RNASE4: variants seen among roughly 807,000 people sequenced by gnomAD.
RNASE4 encodes the protein ribonuclease A family member 4, also known as ribonuclease 4.
For synonymous variants in RNASE4, 93 were observed against 71.4 expected (o/e 1.30, Z -1.52); for missense variants, 194 against 192.8 (o/e 1.01, Z -0.04).
intron 1 of RNASE4, chr14:20,698,739 CATT>C (rs1171539230): frequency 6.6e-6 from 1 of 151,704 alleles, no homozygotes; most frequent in East Asian, 1.9e-4. Context: ...TTTTAAATCA[CATT>C]AGAATAATAG....
rs774686962 is a variant in RNASE4 at position 20,699,838 on chromosome 14, G to A, written c.*23G>A. 30 of 1,603,032 alleles carry A rather than the reference G, an allele frequency of 1.9e-5. No homozygotes were observed. The highest frequency in any genetic ancestry group is 1.7e-4 in the Middle Eastern group (1 of 6,048). On this transcript the variant is annotated 3_prime_UTR_variant, in exon 2 of 2. Coordinates refer to ENST00000555835, the MANE Select transcript of RNASE4 (RefSeq NM_002937.5). ...TAGATGCCACCATGTAGGGATTATC[G>A]CGAGTGGTTGACCTTACACTTACTC...
chr14:20,685,810 G>A (rs544442461), intron 1 of RNASE4, among the ~76,000 whole-genome samples: 2 of 152,168 alleles, frequency 1.3e-5, no homozygotes, highest in Non-Finnish European at 2.9e-5. Context: ...GGGAGGCCGA[G>A]GTGGGTGCAT....
chr14:20,685,406 GAGCCA>G, intron 1 of RNASE4, among the ~76,000 whole-genome samples: 1 of 152,288 alleles, frequency 6.6e-6, no homozygotes, highest in East Asian at 1.9e-4. Flanking sequence ...AATCTCAGAT[GAGCCA>G]AGACCCTCCC....
At chr14:20,688,317 A>G (rs564592763) in intron 1 of RNASE4, among the ~76,000 whole-genome samples, 23 of 152,346 alleles carry the variant, frequency 1.5e-4, no homozygotes, top group Admixed American at 3.9e-4. Context: ...GCATCCGTTC[A>G]TGAAACCAAA....
chr14:20,701,131 C>T lies in RNASE4; in HGVS notation c.*1316C>T, dbSNP rs915005399. The T allele has an allele frequency of 3.9e-5, 6 of 152,208 alleles. No homozygotes were observed. Among genetic ancestry groups the T allele is most frequent in the Non-Finnish European group, 8.8e-5 (6 of 68,062 alleles). 9.4% of individuals were successfully genotyped at this position (152,208 alleles called of 1,614,324 possible). ...ACCAACCCAAATCCTATAAAACTGC[C>T]CCACCCCATCTCCCTTTGCTGACTC... On this transcript the variant is annotated 3_prime_UTR_variant, in exon 2 of 2. Coordinates refer to ENST00000555835, the MANE Select transcript of RNASE4 (RefSeq NM_002937.5).
At chr14:20,685,944 A>G (rs559933707) in intron 1 of RNASE4, among the ~76,000 whole-genome samples, 170 of 151,948 alleles carry the variant, frequency 1.1e-3, no homozygotes, top group African/African-American at 3.8e-3. Context: ...GGAGGCTGAG[A>G]CAGGAGACTC....
chr14:20,690,931 C>A (rs1886709947), intron 1 of RNASE4, among the ~76,000 whole-genome samples: 1 of 152,196 alleles, frequency 6.6e-6, no homozygotes, highest in African/African-American at 2.4e-5. Flanking sequence ...TTGGAAATGG[C>A]ACCCGTGAAA....
chr14:20,687,407 A>G (rs936440665), intron 1 of RNASE4, among the ~76,000 whole-genome samples: 6 of 152,182 alleles, frequency 3.9e-5, no homozygotes, highest in Admixed American at 3.9e-4. Context: ...CTACTGCAGA[A>G]CTCTAAAATC....
chr14:20,695,345 A>G (rs1014571318), intron 1 of RNASE4, among the ~76,000 whole-genome samples: 5 of 151,498 alleles, frequency 3.3e-5, no homozygotes, highest in African/African-American at 1.2e-4. Context: ...CACTGAGCCG[A>G]GATCACGCCA....
intron 1 of RNASE4, among the ~76,000 whole-genome samples, chr14:20,686,166 G>A (rs1000393623): frequency 3.3e-5 from 5 of 152,120 alleles, no homozygotes; most frequent in Non-Finnish European, 7.4e-5. Context: ...AATATGAGGG[G>A]TGGACAGAGT....
At position 20,699,414 on chromosome 14, in the gene RNASE4, C is replaced by CTTT. The variant is rs773164607; in HGVS notation, c.44_45insTTT (p.Leu15dup). 1.2e-6 allele frequency: 2 copies of CTTT among 1,608,582 alleles called. No individual in the cohort carries two copies. Among genetic ancestry groups the CTTT allele is most frequent in the Non-Finnish European group, 8.5e-7 (1 of 1,176,250 alleles). ...CCATTCATTGCTTCTGCTTTTGCTG[C>CTTT]TGACCCTGCTGGGGCTGGGGCTGGT... On this transcript the variant is annotated inframe_insertion, in exon 2 of 2. Coordinates refer to ENST00000555835, the MANE Select transcript of RNASE4 (RefSeq NM_002937.5).
chr14:20,693,659 A>G (rs544578047), intron 1 of RNASE4: 1 of 1,614,164 alleles, frequency 6.2e-7, no homozygotes, highest in Admixed American at 1.7e-5. Flanking sequence ...AGGTACACAC[A>G]CTTCCTGACC....
At chr14:20,689,393 G>T (rs1275782094) in intron 1 of RNASE4, among the ~76,000 whole-genome samples, 1 of 152,156 alleles carries the variant, frequency 6.6e-6, no homozygotes, top group Non-Finnish European at 1.5e-5. Flanking sequence ...ATATGCCTTG[G>T]GTGTTAGGCT....
intron 1 of RNASE4, chr14:20,688,757 A>G (rs1594203600): frequency 1.0e-6 from 1 of 985,120 alleles, no homozygotes; most frequent in Non-Finnish European, 1.2e-6. Context: ...CTATATAATC[A>G]GAACCTGGAG....
Position 20,699,481 on chromosome 14 carries a change from T to C in RNASE4, c.110T>C (p.Leu37Pro). 1.2e-6 allele frequency: 2 copies of C among 1,614,120 alleles called. No homozygotes were observed. The highest frequency in any genetic ancestry group is 1.7e-6 in the Non-Finnish European group (2 of 1,180,034). The change falls in exon 2 of 2, where the codon CTG becomes CCG. Residue 37 changes from leucine to proline, a missense_variant. Transcript: ENST00000555835. ...YGQDGMYQRF[L>P]RQHVHPEETG... ...CAGGATGGCATGTACCAGCGATTCC[T>C]GCGGCAACACGTGCACCCTGAGGAG...
At chr14:20,692,074 C>A (rs953968082) in intron 1 of RNASE4, among the ~76,000 whole-genome samples, 1 of 152,172 alleles carries the variant, frequency 6.6e-6, no homozygotes. Flanking sequence ...GACTTACACA[C>A]AAGAGAAGCA....
intron 1 of RNASE4, among the ~76,000 whole-genome samples, chr14:20,685,051 A>G (rs985283415): frequency 6.6e-6 from 1 of 152,156 alleles, no homozygotes; most frequent in African/African-American, 2.4e-5. Context: ...GGGAAGCCCT[A>G]GGAGGCCTGC....
intron 1 of RNASE4, among the ~76,000 whole-genome samples, chr14:20,686,032 T>C (rs1167353009): frequency 8.4e-6 from 1 of 118,882 alleles, no homozygotes; most frequent in Non-Finnish European, 1.7e-5. Context: ...AGAGCAAGAC[T>C]CCGTCTTAAA....
At chr14:20,689,425 C>CT (rs1886590957) in intron 1 of RNASE4, among the ~76,000 whole-genome samples, 1 of 152,064 alleles carries the variant, frequency 6.6e-6, no homozygotes. Flanking sequence ...GGATTTTGCC[C>CT]TAGGATGTAT....
Sources: gnomAD v4.1 joint callset for allele counts (sites outside exome capture counted in the v4.1 genomes callset) on GRCh38, gnomAD v4.1.1 for gene constraint, MANE v1.5 for transcripts, NCBI Gene and HGNC (gene_info 2026-07-23, HGNC 2026-07-21) for gene names.